MACF1: variants seen among roughly 807,000 people sequenced by gnomAD.
MACF1 encodes the protein microtubule-actin cross-linking factor 1.
Under a neutral mutation model 854.8 loss-of-function variants are expected in MACF1, and 193 were observed. That is an observed-to-expected ratio of 0.23 (90% CI 0.20 to 0.25). The LOEUF (loss-of-function observed/expected upper bound fraction) is 0.25, where lower values mean the gene tolerates loss of function less well. MACF1 is among the 10% of genes least tolerant of loss of function. The probability of loss-of-function intolerance (pLI) is 1.00; values close to 1 mark genes in which losing one functional copy is unlikely to be tolerated. For missense variants in MACF1, 7,722 were observed against 8,929.1 expected (o/e 0.86, Z 5.45); for synonymous variants, 3,185 against 3,226.7 (o/e 0.99, Z 0.44).
intron 58 of MACF1, among the ~76,000 whole-genome samples, chr1:39,404,393 C>T (rs1642610195): frequency 6.6e-6 from 1 of 151,764 alleles, no homozygotes; most frequent in East Asian, 1.9e-4. Context: ...ATCACTTAAA[C>T]CTGGGAGGTG....
intron 52 of MACF1, among the ~76,000 whole-genome samples, chr1:39,376,344 C>T (rs1649719062): frequency 6.6e-6 from 1 of 152,214 alleles, no homozygotes. Flanking sequence ...ATCTTGAGTG[C>T]TCTCAAAGTT....
chr1:39,210,742 T>C (rs1274075210), intron 1 of MACF1, among the ~76,000 whole-genome samples: 2 of 152,174 alleles, frequency 1.3e-5, no homozygotes, highest in Admixed American at 1.3e-4. Context: ...TTGGAAGTCA[T>C]ATGGAATTGT....
At chr1:39,257,846 T>G in intron 5 of MACF1, 90 bp from the exon 6 acceptor site, 1 of 926,922 alleles carries the variant, frequency 1.1e-6, no homozygotes, top group Non-Finnish European at 1.7e-6. Flanking sequence ...AGAAATCAGT[T>G]TAACTGTAAA....
chr1:39,196,303 A>G (rs1035161312), intron 2 of MACF1, among the ~76,000 whole-genome samples: 41 of 152,316 alleles, frequency 2.7e-4, no homozygotes, highest in Middle Eastern at 3.4e-3. Context: ...ACTTTATTGT[A>G]TTCAATGACA....
chr1:39,352,220 TA>T (rs1167606248), intron 43 of MACF1, among the ~76,000 whole-genome samples: 2 of 152,206 alleles, frequency 1.3e-5, no homozygotes, highest in African/African-American at 4.8e-5. Flanking sequence ...TTTAATCTAT[TA>T]AAATACATGT....
chr1:39,358,765 C>T lies in MACF1; in HGVS notation c.12012C>T (p.Asp4004=). 1.9e-6 allele frequency: 3 copies of T among 1,614,076 alleles called. No homozygotes were observed. Among genetic ancestry groups the T allele is most frequent in the Non-Finnish European group, 2.5e-6 (3 of 1,179,984 alleles). The stretch of plus-strand genomic sequence containing the variant: ...ATCATCAATTCCAAAACAGTGCTGA[C>T]AGCCTGCAGGCCTGGATGCAGGCTT... ...GQYHQFQNSA[D]SLQAWMQACE... is the part of the protein sequence containing the mutation. Residue 4004 remains aspartate (D), a synonymous_variant, in exon 46 of 101, where the codon GAC becomes GAT. Coordinates refer to ENST00000564288, the MANE Select transcript of MACF1 (RefSeq NM_001394062.1).
chr1:39,190,324 CTT>C (rs1385375147), intron 2 of MACF1, among the ~76,000 whole-genome samples: 1 of 148,700 alleles, frequency 6.7e-6, no homozygotes, highest in African/African-American at 2.5e-5. Flanking sequence ...TCTCCTCTCT[CTT>C]CCTTTCTCTT....
At chr1:39,185,779 G>A (rs1023734022) in intron 2 of MACF1, among the ~76,000 whole-genome samples, 6 of 152,130 alleles carry the variant, frequency 3.9e-5, no homozygotes, top group African/African-American at 1.4e-4. Flanking sequence ...GGACTTTCCG[G>A]GGGCTTAGTT....
At chr1:39,390,932 C>A (rs534815868) in intron 58 of MACF1, among the ~76,000 whole-genome samples, 1 of 151,880 alleles carries the variant, frequency 6.6e-6, no homozygotes, top group Admixed American at 6.6e-5. Context: ...ACGGTGAAAC[C>A]CTGTCTCTAC....
chr1:39,318,145 T>C (rs2148447879), intron 29 of MACF1, among the ~76,000 whole-genome samples: 1 of 152,278 alleles, frequency 6.6e-6, no homozygotes, highest in East Asian at 1.9e-4. Context: ...AATACTACCT[T>C]ATTGGTCACC....
chr1:39,269,597 G>A, intron 6 of MACF1: 1 of 1,289,766 alleles, frequency 7.8e-7, no homozygotes. Context: ...GCAGTGATGG[G>A]CCACACATAC....
chr1:39,413,715 G>A (rs1643144605), intron 58 of MACF1: 1 of 1,607,806 alleles, frequency 6.2e-7, no homozygotes, highest in South Asian at 1.1e-5. Flanking sequence ...CTCCTGCAGT[G>A]CCCACCCCAG....
At chr1:39,268,959 T>A in intron 6 of MACF1, 1 of 1,286,426 alleles carries the variant, frequency 7.8e-7, no homozygotes, top group Non-Finnish European at 1.0e-6. Context: ...CCCAGATATT[T>A]TGCTGCCTGG....
At chr1:39,442,352 T>C in intron 76 of MACF1, 32 bp downstream of exon 76, 1 of 1,601,684 alleles carries the variant, frequency 6.2e-7, no homozygotes, top group Non-Finnish European at 8.5e-7. Flanking sequence ...ATCAGTGAAC[T>C]ACTCTCCGCT....
chr1:39,411,491 C>T, intron 58 of MACF1: 1 of 1,613,748 alleles, frequency 6.2e-7, no homozygotes, highest in Non-Finnish European at 8.5e-7. Context: ...CAGTTGGCTA[C>T]TGTTCCCAAG....
chr1:39,131,683 C>T (rs192300286), intron 2 of MACF1, among the ~76,000 whole-genome samples: 5 of 152,226 alleles, frequency 3.3e-5, no homozygotes, highest in African/African-American at 1.2e-4. Context: ...TTACTGCAGA[C>T]AGATGTATGC....
At chr1:39,229,927 G>A (rs935808637) in intron 1 of MACF1, among the ~76,000 whole-genome samples, 1 of 152,094 alleles carries the variant, frequency 6.6e-6, no homozygotes, top group Admixed American at 6.5e-5. Context: ...ATTTTTAGCA[G>A]AGGTGGGGTT....
At chr1:39,296,984 C>G (rs1258187510) in intron 20 of MACF1, among the ~76,000 whole-genome samples, 2 of 151,864 alleles carry the variant, frequency 1.3e-5, no homozygotes, top group Admixed American at 1.3e-4. Context: ...AGTGCAGTGG[C>G]ACGATCTCTG....
In MACF1 at chr1:39,413,738, C is replaced by G. The variant is rs1158641177; in HGVS notation, c.15817-8636C>G. ...GTGCCCACCCCAGAGGAATCCGCCT[C>G]CGCAGCTGTTGCAGTGCCCACCCCC... On this transcript the variant is annotated intron_variant, in intron 58 of 100. Coordinates refer to ENST00000564288, the MANE Select transcript of MACF1 (RefSeq NM_001394062.1). The G allele has an allele frequency of 1.9e-6, 3 of 1,596,952 alleles. No homozygotes were observed. The African/African-American group carries it at 4.0e-5, about 22-fold the overall frequency.
Sources: gnomAD v4.1 joint callset for allele counts (sites outside exome capture counted in the v4.1 genomes callset) on GRCh38, gnomAD v4.1.1 for gene constraint, MANE v1.5 for transcripts, NCBI Gene and HGNC (gene_info 2026-07-23, HGNC 2026-07-21) for gene names.